Variants in CLEC12A observed in about 807,000 individuals in gnomAD.
CLEC12A encodes C-type lectin protein CLL-1.
Under a neutral mutation model 26.5 loss-of-function variants are expected in CLEC12A, and 22 were observed. The ratio of observed to expected loss-of-function variants is 0.83; its 90% CI spans 0.59 to 1.19. CLEC12A has a LOEUF of 1.19. Ranked by LOEUF, CLEC12A falls within the 50% of genes most tolerant of loss-of-function variation. The pLI, the probability that CLEC12A is intolerant of heterozygous loss-of-function variation, is 0.00. For missense variants in CLEC12A, 353 were observed against 315.6 expected, an observed-to-expected ratio of 1.12 and a Z score of -0.90; for synonymous variants, 119 against 101.9, an observed-to-expected ratio of 1.17 and a Z score of -1.01.
chr12:9,953,644 G>A (rs1446474727), intron 1 of CLEC12A, among the ~76,000 whole-genome samples: 5 of 150,966 alleles, frequency 3.3e-5, no homozygotes, highest in Admixed American at 3.3e-4. Context: ...GGGCGCCTCT[G>A]CCCGGCCGCC....
intron 1 of CLEC12A, among the ~76,000 whole-genome samples, chr12:9,975,135 G>A (rs762216998): frequency 5.9e-5 from 9 of 152,160 alleles, no homozygotes; most frequent in Non-Finnish European, 1.3e-4. Context: ...TTACCCAGTT[G>A]TGGGTATGTC....
At chr12:9,967,714 G>A (rs1372768417), upstream of CLEC12A, among the ~76,000 whole-genome samples, 1 of 151,706 alleles carries the variant, frequency 6.6e-6, no homozygotes, top group Non-Finnish European at 1.5e-5. Context: ...AGAAGGGGTA[G>A]AGACATGGAG....
At chr12:9,972,047 T>C (rs1269826922) in intron 1 of CLEC12A, among the ~76,000 whole-genome samples, 1 of 89,992 alleles carries the variant, frequency 1.1e-5, no homozygotes, top group Non-Finnish European at 2.3e-5. Flanking sequence ...TTCATATGTG[T>C]GTGTGTGTGT....
chr12:9,976,641 G>A (rs1262691066), intron 1 of CLEC12A, among the ~76,000 whole-genome samples: 4 of 152,142 alleles, frequency 2.6e-5, no homozygotes, highest in Non-Finnish European at 4.4e-5. Context: ...AATGAGTTAA[G>A]TCTTTTGGGG....
At chr12:9,974,846 C>T (rs1864270437) in intron 1 of CLEC12A, among the ~76,000 whole-genome samples, 1 of 152,150 alleles carries the variant, frequency 6.6e-6, no homozygotes, top group Admixed American at 6.6e-5. Flanking sequence ...TGTCTCCACC[C>T]AAATCTCATC....
chr12:9,985,521 G>T lies in CLEC12A; in HGVS notation c.*495G>T. ...GATTGTTCTAGGCCAGGTAAGAATG[G>T]ATATGGACATGCATTTATTACCTCT... On this transcript the variant is annotated 3_prime_UTR_variant, in exon 6 of 6. Transcript: ENST00000304361. 7.5e-6 allele frequency: 3 copies of T among 398,504 alleles called. No individual in the cohort carries two copies. Among genetic ancestry groups the T allele is most frequent in the Non-Finnish European group, 1.3e-5 (3 of 226,074 alleles). The allele number at this position is 398,504 out of a possible 1,614,324, so 24.7% of individuals were successfully genotyped here.
At chr12:9,996,518 T>G (rs1398014614), downstream of CLEC12A, among the ~76,000 whole-genome samples, 1 of 148,002 alleles carries the variant, frequency 6.8e-6, no homozygotes, top group Non-Finnish European at 1.5e-5. Context: ...ACAGAAACAG[T>G]AAGTGGACAG....
At chr12:9,982,747 T>C (rs550357045) in intron 5 of CLEC12A, among the ~76,000 whole-genome samples, 7 of 152,270 alleles carry the variant, frequency 4.6e-5, no homozygotes, top group African/African-American at 1.7e-4. Context: ...CTGGATAGTG[T>C]ACACTGTACC....
At chr12:9,952,099 A>C (rs1415908919) in intron 1 of CLEC12A, 1 of 143,954 alleles carries the variant, frequency 6.9e-6, no homozygotes, top group African/African-American at 2.7e-5. Flanking sequence ...GGAAAAAAAA[A>C]AAAACAGGAT....
In CLEC12A at chr12:9,980,782, T is replaced by C. The variant is rs1282664857; in HGVS notation, c.531+49T>C. The C allele has an allele frequency of 6.9e-6, 11 of 1,589,596 alleles. No individual in the cohort carries two copies. In the Middle Eastern group the frequency reaches 5.0e-4, roughly 73 times the overall value. On this transcript the variant is annotated intron_variant, in intron 4 of 5. Transcript: ENST00000304361. The stretch of plus-strand genomic sequence containing the variant: ...TCATGGGATAGAGAGGGGTGTGGCA[T>C]GTTGGAGAAGACTTCAATCAACCCA...
chr12:9,956,779 CATT>C (rs1863748389), intron 1 of CLEC12A, among the ~76,000 whole-genome samples: 1 of 152,092 alleles, frequency 6.6e-6, no homozygotes, highest in South Asian at 2.1e-4. Context: ...GAGAGAGAAA[CATT>C]ATGTTTTGGA....
chr12:9,996,802 T>C, downstream of CLEC12A: 1 of 1,607,074 alleles, frequency 6.2e-7, no homozygotes, highest in Non-Finnish European at 8.5e-7. Flanking sequence ...ATTTGAGGTT[T>C]CTCTTCCTTG....
intron 1 of CLEC12A, among the ~76,000 whole-genome samples, chr12:9,964,947 C>T (rs192358390): frequency 6.6e-6 from 1 of 152,142 alleles, no homozygotes; most frequent in East Asian, 1.9e-4. Flanking sequence ...CTGTGGGAGG[C>T]TGGATTGAAG....
At chr12:9,997,367 C>A, downstream of CLEC12A, 1 of 1,256,600 alleles carries the variant, frequency 8.0e-7, no homozygotes, top group Non-Finnish European at 1.1e-6. Context: ...ATTTCCTTAA[C>A]TTTGCCAATA....
chr12:9,956,711 A>C (rs1352671725), intron 1 of CLEC12A, among the ~76,000 whole-genome samples: 1 of 152,258 alleles, frequency 6.6e-6, no homozygotes, highest in Non-Finnish European at 1.5e-5. Flanking sequence ...AGATTAAAAC[A>C]GATTTTGCAA....
At chr12:9,956,621 C>T (rs981101989) in intron 1 of CLEC12A, among the ~76,000 whole-genome samples, 2 of 152,160 alleles carry the variant, frequency 1.3e-5, no homozygotes, top group African/African-American at 4.8e-5. Context: ...TGAAAAGTTC[C>T]AGCAAAGCCA....
chr12:9,954,578 ATAAAG>A (rs1863712357), intron 1 of CLEC12A, among the ~76,000 whole-genome samples: 1 of 152,248 alleles, frequency 6.6e-6, no homozygotes, highest in South Asian at 2.1e-4. Flanking sequence ...ATCAGAACAA[ATAAAG>A]TTCAACCATG....
intron 1 of CLEC12A, among the ~76,000 whole-genome samples, chr12:9,958,732 CTG>C: frequency 6.6e-6 from 1 of 152,182 alleles, no homozygotes; most frequent in Non-Finnish European, 1.5e-5. Flanking sequence ...TACCGGCAGT[CTG>C]AAGAAACTTC....
chr12:9,990,665 G>T (rs1311126499), intron 4 of CLEC12A, among the ~76,000 whole-genome samples: 1 of 152,204 alleles, frequency 6.6e-6, no homozygotes, highest in Non-Finnish European at 1.5e-5. Context: ...CATAAACTTA[G>T]TTGATAAAGC....
Sources: gnomAD v4.1 joint callset for allele counts (sites outside exome capture counted in the v4.1 genomes callset) on GRCh38, gnomAD v4.1.1 for gene constraint, MANE v1.5 for transcripts, NCBI Gene and HGNC (gene_info 2026-07-23, HGNC 2026-07-21) for gene names.